The following DMBT1 variants were observed in gnomAD, a reference collection of about 807,000 sequenced individuals.
DMBT1 encodes the protein deleted in malignant brain tumors 1, also known as scavenger receptor cysteine-rich domain-containing protein DMBT1.
DMBT1 carries 198 observed loss-of-function variants against 252.9 expected under a neutral mutation model. The observed-to-expected ratio is 0.78, with a 90% CI of 0.70 to 0.88. DMBT1 has a LOEUF of 0.88. DMBT1 is among the 40% of genes least tolerant of loss of function. DMBT1 has a pLI of 0.00. For missense variants in DMBT1, 2,432 were observed against 2,404.7 expected, an observed-to-expected ratio of 1.01 and a Z score of -0.24; for synonymous variants, 990 against 942.7, an observed-to-expected ratio of 1.05 and a Z score of -0.92.
Position 122,591,978 on chromosome 10 carries a change from C to T in DMBT1, c.2177-294C>T, listed in dbSNP as rs1043726609. On this transcript the variant is annotated intron_variant, in intron 19 of 55. Transcript: ENST00000338354. ...GATAGCATAGGCCTGCCCTCTGGAG[C>T]AGTGGAGCTCCATCCTGTGTGTGCT... Among the ~76,000 whole-genome samples the T allele has an allele frequency of 4.7e-5, 7 of 148,990 alleles. 1 individual carries two copies. Among genetic ancestry groups the T allele is most frequent in the Non-Finnish European group, 1.0e-4 (7 of 66,846 alleles).
chr10:122,641,758 G>T (rs1188751528), intron 55 of DMBT1, among the ~76,000 whole-genome samples: 1 of 152,172 alleles, frequency 6.6e-6, no homozygotes, highest in Non-Finnish European at 1.5e-5. Context: ...AATGCAATTT[G>T]CTGGGAAGAC....
intron 44 of DMBT1, 135 bp downstream of exon 44, chr10:122,621,515 G>C (rs1189385595): frequency 6.9e-7 from 1 of 1,450,196 alleles, no homozygotes; most frequent in Non-Finnish European, 9.2e-7. Flanking sequence ...TTAGCTCTCT[G>C]CTAAGAATCC....
chr10:122,576,737 C>T lies in DMBT1; in HGVS notation c.607+15C>T, dbSNP rs151236788. 1 of 1,613,676 alleles carries T rather than the reference C, an allele frequency of 6.2e-7. No individual in the cohort carries two copies. Among genetic ancestry groups the T allele is most frequent in the Non-Finnish European group, 8.5e-7 (1 of 1,179,648 alleles). On this transcript the variant is annotated intron_variant, in intron 7 of 55. Transcript: ENST00000338354. ...TATCTGCTCAGGTAGGCATCCAGAT[C>T]TCTGGAGGGTTGGGTGTGGTGGCTC...
At chr10:122,637,988 G>A (rs537265072) in intron 54 of DMBT1, among the ~76,000 whole-genome samples, 2 of 152,276 alleles carry the variant, frequency 1.3e-5, no homozygotes, top group South Asian at 4.1e-4. Flanking sequence ...GTTTTCAACA[G>A]CCCCTACCAC....
chr10:122,617,387 A>G, intron 40 of DMBT1, 127 bp downstream of exon 40: 4 of 1,212,360 alleles, frequency 3.3e-6, no homozygotes, highest in Non-Finnish European at 4.7e-6. Flanking sequence ...GGTGGGAGGA[A>G]GGTGGAGTTT....
At chr10:122,634,075 T>C (rs2098189535) in intron 52 of DMBT1, among the ~76,000 whole-genome samples, 1 of 152,096 alleles carries the variant, frequency 6.6e-6, no homozygotes, top group African/African-American at 2.4e-5. Context: ...GAGTTGAAGG[T>C]TGTGGTGAAC....
intron 7 of DMBT1, among the ~76,000 whole-genome samples, chr10:122,576,962 C>T (rs2097718136): frequency 6.6e-6 from 1 of 152,216 alleles, no homozygotes; most frequent in South Asian, 2.1e-4. Flanking sequence ...CAAGTCTTTC[C>T]TGGTTATCTG....
intron 55 of DMBT1, 141 bp downstream of exon 55, chr10:122,640,590 T>G: frequency 1.1e-6 from 1 of 909,086 alleles, no homozygotes; most frequent in Non-Finnish European, 1.6e-6. Context: ...TTTCTACATG[T>G]AGTGATGTCC....
In DMBT1 at chr10:122,598,866, G is replaced by T; in HGVS notation, c.3049G>T (p.Val1017Leu). The T allele has an allele frequency of 2.5e-6, 4 of 1,613,856 alleles. No individual in the cohort carries two copies. Among genetic ancestry groups the T allele is most frequent in the South Asian group, 1.1e-5 (1 of 91,080 alleles). Residue 1017 changes from valine (V) to leucine (L), a missense_variant, in exon 26 of 56, where the codon GTG becomes TTG. Val to Leu is a conservative substitution (Grantham distance 32). Around this residue, in one of 3 missense-constraint regions of DMBT1, gnomAD observed 1,264 missense variants for 1,082.2 expected, o/e 1.17. Transcript: ENST00000338354. ...CCTATACCAAGGCTCCTGGGGCACCGTGTGCGATGACAGCTGGGACACCAA... is the reference window on the plus strand; with the variant it reads ...CCTATACCAAGGCTCCTGGGGCACCTTGTGCGATGACAGCTGGGACACCAA... Reference protein sequence around the residue: ...EVLYQGSWGTVCDDSWDTNDA... With the variant: ...EVLYQGSWGTLCDDSWDTNDA...
Position 122,592,353 on chromosome 10 carries a change from C to T in DMBT1, c.2258C>T (p.Ser753Phe), listed in dbSNP as rs763575906. 9.4e-5 allele frequency: 149 copies of T among 1,588,276 alleles called. 29 individuals carry two copies. In the South Asian group the frequency reaches 1.5e-3, roughly 16 times the overall value. The change falls in exon 20 of 56, where the codon TCC (serine) becomes TTC (phenylalanine). Residue 753 changes from serine to phenylalanine, a missense_variant. Transcript: ENST00000338354. ...CGAGTAGAGGTCCTATACCGAGGCT[C>T]CTGGGGCACCGTGTGTGATGACAGC... ...QGRVEVLYRG[S>F]WGTVCDDSWD...
At chr10:122,642,586 C>T (rs1195067302) in intron 55 of DMBT1, among the ~76,000 whole-genome samples, 2 of 152,090 alleles carry the variant, frequency 1.3e-5, no homozygotes, top group African/African-American at 4.8e-5. Context: ...CAGTGTGGAA[C>T]GTACAGCTGC....
intron 44 of DMBT1, among the ~76,000 whole-genome samples, chr10:122,623,107 C>T (rs979953704): frequency 1.1e-4 from 16 of 152,072 alleles, no homozygotes; most frequent in Non-Finnish European, 4.4e-5. Context: ...TGCTTTCTGC[C>T]TCTGTATACA....
At chr10:122,642,497 AC>A (rs1465730770) in intron 55 of DMBT1, among the ~76,000 whole-genome samples, 1 of 152,040 alleles carries the variant, frequency 6.6e-6, no homozygotes. Context: ...TTTCCCTCTG[AC>A]CCCTGCTGAG....
chr10:122,592,731 C>T (rs562165495), intron 20 of DMBT1, 136 bp downstream of exon 20: 24 of 1,438,036 alleles, frequency 1.7e-5, no homozygotes, highest in Non-Finnish European at 2.1e-5. Context: ...TAGCTCTCTG[C>T]TAAGGATCTG....
intron 27 of DMBT1, 94 bp downstream of exon 27, chr10:122,600,187 G>C: frequency 6.7e-7 from 1 of 1,493,538 alleles, no homozygotes. Flanking sequence ...TCTCTGTGTG[G>C]ATACTGTGGG....
intron 52 of DMBT1, among the ~76,000 whole-genome samples, chr10:122,634,433 TCTCTCTCTCTCTCTCTCTC>T (rs1566007231): frequency 7.5e-4 from 23 of 30,804 alleles, no homozygotes; most frequent in African/African-American, 2.0e-3. Context: ...CTCTCTCTTC[TCTCTCTCTCTCTCTCTCTC>T]TCTCTCTCTC....
At chr10:122,639,410 G>T (rs987391719) in intron 54 of DMBT1, among the ~76,000 whole-genome samples, 2 of 152,098 alleles carry the variant, frequency 1.3e-5, no homozygotes, top group Non-Finnish European at 2.9e-5. Context: ...GAGAGTCAGC[G>T]AAGAGAGATA....
Position 122,633,220 on chromosome 10 carries a change from C to T in DMBT1, c.6427C>T (p.Gln2143Ter). 6.2e-7 allele frequency: 1 copy of T among 1,614,028 alleles called. No homozygotes were observed. Among genetic ancestry groups the T allele is most frequent in the Non-Finnish European group, 8.5e-7 (1 of 1,179,898 alleles). The change falls in exon 52 of 56, where the codon CAA becomes TAA. Residue 2143 changes from glutamine (Q) to a stop codon, truncating the protein, a stop_gained. Transcript: ENST00000338354. LOFTEE classifies it high-confidence loss of function. ...TDYSCGGFLSQPSGDFSSPFY... is the reference protein window; with the variant it reads ...TDYSCGGFLS ...TTATTCCTGCGGAGGCTTCCTATCC[C>T]AACCATCAGGGGACTTTTCCAGCCC...
Position 122,643,173 on chromosome 10 carries a change from T to A in DMBT1, c.7404T>A (p.Ile2468=). The A allele has an allele frequency of 6.2e-7, 1 of 1,613,952 alleles. No homozygotes were observed. The highest frequency in any genetic ancestry group is 2.2e-5 in the East Asian group (1 of 44,874). ...YGPYSSPSLR[I]ARFRFRAFHF... is the part of the protein sequence containing the mutation. ...CCTACTCCTCGCCATCTCTTCGCATTGCCCGCTTCCGGTTCAGGGCCTTCC... is the reference window on the plus strand; with the variant it reads ...CCTACTCCTCGCCATCTCTTCGCATAGCCCGCTTCCGGTTCAGGGCCTTCC... The change falls in exon 56 of 56, where the codon ATT becomes ATA. Residue 2468 remains isoleucine, a synonymous_variant. Transcript: ENST00000338354.
Sources: gnomAD v4.1 joint callset for allele counts (sites outside exome capture counted in the v4.1 genomes callset) on GRCh38, gnomAD v4.1.1 for gene constraint, gnomAD v4.1.1 regional missense constraint, MANE v1.5 for transcripts, NCBI Gene and HGNC (gene_info 2026-07-23, HGNC 2026-07-21) for gene names.